MAML3: variants seen among roughly 807,000 people sequenced by gnomAD.
MAML3 encodes mastermind-like protein 3.
Under a neutral mutation model 101.9 loss-of-function variants are expected in MAML3, and 27 were observed. The ratio of observed to expected loss-of-function variants is 0.27; its 90% confidence interval spans 0.20 to 0.37. The LOEUF is 0.37. MAML3 is among the 10% of genes least tolerant of loss of function. The pLI, the probability that MAML3 is intolerant of heterozygous loss-of-function variation, is 1.00. For synonymous variants in MAML3, 501 were observed against 555.9 expected (o/e 0.90, Z 1.39); for missense variants, 1,316 against 1,444.9 (o/e 0.91, Z 1.45).
At position 139,725,780 on chromosome 4, in the gene MAML3, T is replaced by C; in HGVS notation, c.2387A>G (p.Tyr796Cys). The C allele has an allele frequency of 1.2e-6, 2 of 1,613,900 alleles. No individual in the cohort carries two copies. The highest frequency in any genetic ancestry group is 2.2e-5 in the East Asian group (1 of 44,868). ...AAACTGATTGACCTGCTGCACTGGG[T>C]ATGGATTCCGCTGTGGCTGGAGGTG... ...RQHLQPQRNP[Y>C]PVQQVNQFQG... The change falls in exon 4 of 5, where the codon TAC (tyrosine) becomes TGC (cysteine). Residue 796 changes from tyrosine to cysteine, a missense_variant. Transcript: ENST00000509479.
At chr4:139,984,892 T>C (rs1391722551) in intron 1 of MAML3, among the ~76,000 whole-genome samples, 1 of 152,208 alleles carries the variant, frequency 6.6e-6, no homozygotes, top group Non-Finnish European at 1.5e-5. Context: ...TAGTGTTTGA[T>C]AAGTAACTGA....
chr4:139,792,502 C>T (rs1671432803), intron 2 of MAML3, among the ~76,000 whole-genome samples: 2 of 152,120 alleles, frequency 1.3e-5, no homozygotes, highest in South Asian at 2.1e-4. Flanking sequence ...GAATTAACCA[C>T]CATGGCATAG....
At chr4:139,820,970 T>C (rs576716571) in intron 2 of MAML3, among the ~76,000 whole-genome samples, 34 of 152,370 alleles carry the variant, frequency 2.2e-4, no homozygotes, top group African/African-American at 8.2e-4. Flanking sequence ...TAAATTGTTC[T>C]ATATCCATTT....
intron 1 of MAML3, among the ~76,000 whole-genome samples, chr4:139,917,103 C>T (rs994690671): frequency 6.6e-6 from 1 of 152,030 alleles, no homozygotes; most frequent in Admixed American, 6.6e-5. Flanking sequence ...AAAGAAGGTC[C>T]AAAGCTTTTC....
intron 1 of MAML3, among the ~76,000 whole-genome samples, chr4:139,905,439 C>G (rs1465747229): frequency 7.3e-6 from 1 of 137,548 alleles, no homozygotes; most frequent in Non-Finnish European, 1.5e-5. Context: ...TTGCTGTGAG[C>G]CGAGATCATG....
At chr4:139,760,941 G>A (rs1162000446) in intron 2 of MAML3, among the ~76,000 whole-genome samples, 1 of 152,126 alleles carries the variant, frequency 6.6e-6, no homozygotes, top group Non-Finnish European at 1.5e-5. Flanking sequence ...TGTTCTAGAG[G>A]ACAGCTTTCT....
At position 139,785,435 on chromosome 4, in the gene MAML3, CAG is replaced by C. The variant is rs1259886340; in HGVS notation, c.2080-54770_2080-54769del. On this transcript the variant is annotated intron_variant, in intron 2 of 4. Coordinates refer to ENST00000509479, the MANE Select transcript of MAML3 (RefSeq NM_018717.5). This position sits in a 1 kb window ranked among gnomAD's most constrained non-coding sequence, Gnocchi z 4.3. Reference sequence around the variant, plus strand: ...TGGTTCCCTATGCTTGCTCTGGGATCAGAGTGTTCTTGATGAGTGAATTGGGC... The same window carrying C: ...TGGTTCCCTATGCTTGCTCTGGGATCAGTGTTCTTGATGAGTGAATTGGGC... 6.6e-6 allele frequency among the ~76,000 whole-genome samples: 1 copy of C among 152,174 alleles called. No homozygotes were observed. The highest frequency in any genetic ancestry group is 1.5e-5 in the Non-Finnish European group (1 of 68,044).
intron 1 of MAML3, among the ~76,000 whole-genome samples, chr4:140,035,737 T>C: frequency 6.7e-6 from 1 of 150,232 alleles, no homozygotes; most frequent in Non-Finnish European, 1.5e-5. Context: ...GAGCCGAGAC[T>C]GCACCACTGC....
At chr4:140,028,676 CA>C (rs1726863721) in intron 1 of MAML3, among the ~76,000 whole-genome samples, 1 of 152,156 alleles carries the variant, frequency 6.6e-6, no homozygotes, top group Non-Finnish European at 1.5e-5. Context: ...TTCCAAAGCT[CA>C]GCCATTTTGC....
chr4:139,812,329 C>T (rs1730818726), intron 2 of MAML3, among the ~76,000 whole-genome samples: 2 of 152,212 alleles, frequency 1.3e-5, no homozygotes, highest in Admixed American at 1.3e-4. Context: ...GGCTAAAACA[C>T]AGTACGATTA....
chr4:139,860,389 A>G (rs1476386851), intron 2 of MAML3, among the ~76,000 whole-genome samples: 1 of 152,238 alleles, frequency 6.6e-6, no homozygotes, highest in African/African-American at 2.4e-5. Flanking sequence ...CCTGGAGCCC[A>G]TGGAAACAGG....
intron 1 of MAML3, among the ~76,000 whole-genome samples, chr4:139,980,971 G>T (rs1341225966): frequency 2.0e-5 from 3 of 152,190 alleles, no homozygotes; most frequent in Non-Finnish European, 4.4e-5. Context: ...AAAGTTCTGG[G>T]TTGGGAACAG....
intron 1 of MAML3, among the ~76,000 whole-genome samples, chr4:140,110,885 T>G (rs559380130): frequency 1.3e-5 from 2 of 152,232 alleles, no homozygotes; most frequent in South Asian, 4.1e-4. Flanking sequence ...AATATCCTAG[T>G]AAGAAAAAAT....
At chr4:140,026,256 T>A (rs1360467292) in intron 1 of MAML3, among the ~76,000 whole-genome samples, 1 of 152,132 alleles carries the variant, frequency 6.6e-6, no homozygotes, top group Admixed American at 6.5e-5. Context: ...TTATTTTACT[T>A]ACTTATATAT....
At chr4:139,898,965 T>G (rs1010803523) in intron 1 of MAML3, among the ~76,000 whole-genome samples, 2 of 152,234 alleles carry the variant, frequency 1.3e-5, no homozygotes, top group African/African-American at 4.8e-5. Flanking sequence ...TTTCCAACTT[T>G]AATGTAACTA....
intron 2 of MAML3, among the ~76,000 whole-genome samples, chr4:139,770,173 C>A (rs1440524377): frequency 6.6e-6 from 1 of 152,176 alleles, no homozygotes; most frequent in East Asian, 1.9e-4. Context: ...CTCCAGCGAT[C>A]CTCCCGCCTT....
intron 1 of MAML3, among the ~76,000 whole-genome samples, chr4:139,929,563 G>A (rs1431389031): frequency 6.6e-6 from 1 of 152,130 alleles, no homozygotes; most frequent in Non-Finnish European, 1.5e-5. Context: ...GCAGTTTATT[G>A]CAGGGAACAG....
intron 1 of MAML3, among the ~76,000 whole-genome samples, chr4:140,135,162 G>A (rs1206346619): frequency 6.6e-6 from 1 of 152,192 alleles, no homozygotes; most frequent in Non-Finnish European, 1.5e-5. Context: ...ACATACACAT[G>A]CTGGCTTCAC....
chr4:139,772,050 T>C (rs6840869), intron 2 of MAML3, among the ~76,000 whole-genome samples: 30,422 of 150,370 alleles, frequency 0.2, 3,179 homozygotes, highest in African/African-American at 0.27. Flanking sequence ...CCATCCTGGC[T>C]AACACGGTGA....
Sources: gnomAD v4.1 joint callset for allele counts (sites outside exome capture counted in the v4.1 genomes callset) on GRCh38, gnomAD v4.1.1 for gene constraint, Gnocchi (gnomAD v3.1) non-coding constraint, MANE v1.5 for transcripts, NCBI Gene and HGNC (gene_info 2026-07-23, HGNC 2026-07-21) for gene names.